GRAP2: variants seen among roughly 807,000 people sequenced by gnomAD.
GRAP2 encodes GRB2 related adaptor protein 2, also known as GRB2-related adapter protein 2.
A neutral mutation model predicts 43.5 loss-of-function variants in GRAP2; 31 were observed. The ratio of observed to expected loss-of-function variants is 0.71; its 90% CI spans 0.54 to 0.96. The LOEUF is 0.96. Ranked by LOEUF, GRAP2 falls within the 40% of genes least tolerant of loss-of-function variation. GRAP2 has a pLI of 0.00. For synonymous variants in GRAP2, 156 were observed against 164.8 expected, an observed-to-expected ratio of 0.95 and a Z score of 0.41; for missense variants, 371 against 424.4, an observed-to-expected ratio of 0.87 and a Z score of 1.11.
At position 39,973,212 on chromosome 22, in the gene GRAP2, C is replaced by T. The variant is rs1294164366; in HGVS notation, c.*2128C>T. On this transcript the variant is annotated 3_prime_UTR_variant, in exon 8 of 8. Coordinates refer to ENST00000344138, the MANE Select transcript of GRAP2 (RefSeq NM_004810.4). ...GCTTTAAACAGCCCACAAACTCCAT[C>T]CAGTTGTCTGATGATGTGGGAGGAC... The T allele has an allele frequency of 6.6e-6, 1 of 152,278 alleles. No individual in the cohort carries two copies. Among genetic ancestry groups the T allele is most frequent in the East Asian group, 1.9e-4 (1 of 5,198 alleles). 9.4% of individuals were successfully genotyped at this position (152,278 alleles called of 1,614,324 possible). A position where few individuals can be genotyped will look rare whatever the true frequency, so the allele number is the denominator to read the frequency against.
At chr22:39,945,785 T>A (rs2066915866) in intron 1 of GRAP2, among the ~76,000 whole-genome samples, 1 of 152,198 alleles carries the variant, frequency 6.6e-6, no homozygotes, top group Admixed American at 6.5e-5. Context: ...GGGGAAAAAT[T>A]CATTCCATAA....
intron 1 of GRAP2, among the ~76,000 whole-genome samples, chr22:39,920,705 C>G (rs1435926925): frequency 1.3e-5 from 2 of 152,150 alleles, no homozygotes; most frequent in Non-Finnish European, 2.9e-5. Context: ...GATGCTGACT[C>G]TCCAACCCCC....
rs1014218468 is a variant in GRAP2, at chr22:39,971,309, C to G, written c.*225C>G. On this transcript the variant is annotated 3_prime_UTR_variant, in exon 8 of 8. Coordinates refer to ENST00000344138, the MANE Select transcript of GRAP2 (RefSeq NM_004810.4). The stretch of plus-strand genomic sequence containing the variant: ...TATTGACACTTGCTTTTCTGCCCCC[C>G]TCAGGGGTGTGTGGAAGGCAGTGGG... 2 of 514,366 alleles carry G rather than the reference C, an allele frequency of 3.9e-6. No homozygotes were observed. The highest frequency in any genetic ancestry group is 4.1e-5 in the Admixed American group (1 of 24,168). 31.9% of individuals were successfully genotyped at this position (514,366 alleles called of 1,614,324 possible).
At chr22:39,921,687 C>A (rs541032573) in intron 1 of GRAP2, among the ~76,000 whole-genome samples, 1 of 152,292 alleles carries the variant, frequency 6.6e-6, no homozygotes, top group East Asian at 1.9e-4. Flanking sequence ...TTTGAACCAT[C>A]TCCAGATGTA....
chr22:39,893,877 C>T, the GRAP2 span: 1 of 152,132 alleles, frequency 6.6e-6, no homozygotes, highest in Non-Finnish European at 1.5e-5. Context: ...TGGAGGGTAC[C>T]AAGGGGAATG....
intron 4 of GRAP2, among the ~76,000 whole-genome samples, chr22:39,964,938 A>C (rs2067157185): frequency 6.6e-6 from 1 of 152,220 alleles, no homozygotes; most frequent in South Asian, 2.1e-4. Context: ...GTGACAGGCC[A>C]AGCTCACTAG....
chr22:39,962,303 T>G (rs927749140), intron 4 of GRAP2, among the ~76,000 whole-genome samples: 7 of 151,810 alleles, frequency 4.6e-5, no homozygotes, highest in Non-Finnish European at 7.4e-5. Flanking sequence ...ATGCCTGTGG[T>G]CCCAACTACT....
chr22:39,959,405 G>A lies in GRAP2; in HGVS notation c.171-650G>A, dbSNP rs553639093. On this transcript the variant is annotated intron_variant, in intron 3 of 7. Transcript: ENST00000344138. Reference sequence around the variant, plus strand: ...AGGCCCAGGATCTGGTTGTATAGACGCCGCTCTCTGGCGGCTGCCAGCCTC... The same window carrying A: ...AGGCCCAGGATCTGGTTGTATAGACACCGCTCTCTGGCGGCTGCCAGCCTC... Among the ~76,000 whole-genome samples the A allele has an allele frequency of 9.2e-5, 14 of 152,324 alleles. No individual in the cohort carries two copies. The East Asian group carries it at 2.5e-3, about 27-fold the overall frequency.
At chr22:39,905,307 A>G (rs574007812) in intron 1 of GRAP2, among the ~76,000 whole-genome samples, 4 of 152,166 alleles carry the variant, frequency 2.6e-5, no homozygotes, top group African/African-American at 7.2e-5. Context: ...TGGACTCGAC[A>G]TGCAAATTCA....
At chr22:39,920,852 C>T (rs368159537) in intron 1 of GRAP2, among the ~76,000 whole-genome samples, 12 of 151,210 alleles carry the variant, frequency 7.9e-5, no homozygotes, top group East Asian at 5.9e-4. Context: ...AAAGTCAAAA[C>T]GACTTACTGT....
At chr22:39,968,555 C>A in intron 6 of GRAP2, 1 of 488,360 alleles carries the variant, frequency 2.0e-6, no homozygotes, top group Non-Finnish European at 3.6e-6. Context: ...ACAATTGCTT[C>A]ATTTTCCTAT....
rs41297251 is a variant in GRAP2 at position 39,970,910 on chromosome 22, G to A, written c.819G>A (p.Val273=). The change falls in exon 8 of 8, where the codon GTG becomes GTA. Residue 273 remains valine (V), a synonymous_variant. Transcript: ENST00000344138. ...TTCTGTGCTTCCCCCAACAGCGAGTGCGGTGGGCCCGGGCGCTGTATGACT... is the reference window on the plus strand; with the variant it reads ...TTCTGTGCTTCCCCCAACAGCGAGTACGGTGGGCCCGGGCGCTGTATGACT... The part of the protein sequence containing the change: ...DPVQLQAAGR[V]RWARALYDFE... 4,520 of 1,602,288 alleles carry A rather than the reference G, an allele frequency of 2.8e-3. 14 individuals are homozygous for A. The highest frequency in any genetic ancestry group is 3.5e-3 in the Non-Finnish European group (4,069 of 1,174,822).
At chr22:39,961,776 T>C (rs1287869612) in intron 4 of GRAP2, among the ~76,000 whole-genome samples, 1 of 152,218 alleles carries the variant, frequency 6.6e-6, no homozygotes, top group Non-Finnish European at 1.5e-5. Flanking sequence ...TGGCAGGAAA[T>C]ACCGATCTGG....
chr22:39,964,048 C>T (rs2067145843), intron 4 of GRAP2: 1 of 225,640 alleles, frequency 4.4e-6, no homozygotes. Flanking sequence ...TCAGAGGTAT[C>T]TTTACTCTCC....
chr22:39,911,800 C>T (rs994950153), intron 1 of GRAP2, among the ~76,000 whole-genome samples: 1 of 152,130 alleles, frequency 6.6e-6, no homozygotes, highest in Non-Finnish European at 1.5e-5. Flanking sequence ...AGAGTGTGAT[C>T]CTAGGACCAG....
At chr22:39,920,676 A>G (rs1329883168) in intron 1 of GRAP2, among the ~76,000 whole-genome samples, 1 of 152,124 alleles carries the variant, frequency 6.6e-6, no homozygotes, top group Non-Finnish European at 1.5e-5. Context: ...CTTGCCTTGG[A>G]AAAAATAACA....
At chr22:39,939,746 T>C (rs2066846909) in intron 1 of GRAP2, among the ~76,000 whole-genome samples, 1 of 151,828 alleles carries the variant, frequency 6.6e-6, no homozygotes, top group Non-Finnish European at 1.5e-5. Context: ...CCATCTCTAC[T>C]AAAAATATAA....
upstream of GRAP2, among the ~76,000 whole-genome samples, chr22:39,897,800 T>C (rs1029179904): frequency 6.6e-6 from 1 of 152,190 alleles, no homozygotes; most frequent in African/African-American, 2.4e-5. Flanking sequence ...ATTACAGGCA[T>C]GAGCCAACCA....
intron 1 of GRAP2, among the ~76,000 whole-genome samples, chr22:39,906,426 C>T (rs1295879897): frequency 5.9e-5 from 9 of 152,130 alleles, no homozygotes; most frequent in African/African-American, 2.2e-4. Flanking sequence ...AGGTGTTGGT[C>T]CATGCTCCTT....
Sources: allele counts gnomAD v4.1 joint callset (sites outside exome capture counted in the v4.1 genomes callset), GRCh38; gene constraint gnomAD v4.1.1; transcripts MANE v1.5; gene names NCBI Gene and HGNC (gene_info 2026-07-23, HGNC 2026-07-21).